The following WDPCP variants were observed in gnomAD, a reference collection of about 807,000 sequenced individuals.
WDPCP encodes WD repeat-containing and planar cell polarity effector protein fritz homolog.
A neutral mutation model predicts 93.1 loss-of-function variants in WDPCP; 71 were observed. That is an observed-to-expected ratio of 0.76 (90% CI 0.63 to 0.93). WDPCP has a LOEUF of 0.93. Ranked by LOEUF, WDPCP falls within the 40% of genes least tolerant of loss-of-function variation. The pLI is 0.00. For synonymous variants in WDPCP, 315 were observed against 315.0 expected (o/e 1.00, Z 0.00); for missense variants, 844 against 887.4 (o/e 0.95, Z 0.62).
chr2:63,664,631 T>C (rs991386860), intron 2 of WDPCP, among the ~76,000 whole-genome samples: 2 of 152,078 alleles, frequency 1.3e-5, no homozygotes, highest in African/African-American at 4.8e-5. Context: ...AAGCTGTTAA[T>C]GTAGGGAAGG....
chr2:63,580,360 C>T (rs1344339796), intron 1 of WDPCP, among the ~76,000 whole-genome samples: 1 of 151,872 alleles, frequency 6.6e-6, no homozygotes, highest in Non-Finnish European at 1.5e-5. Context: ...AACGTATGTC[C>T]CCACTGATTA....
chr2:63,360,424 TC>T (rs1301454431), intron 12 of WDPCP, among the ~76,000 whole-genome samples: 1 of 152,218 alleles, frequency 6.6e-6, no homozygotes, highest in Admixed American at 6.5e-5. Flanking sequence ...TTATTTTTTT[TC>T]AATTCTCTAG....
At chr2:63,125,984 GAGTGT>G (rs1669876094) in intron 17 of WDPCP, among the ~76,000 whole-genome samples, 1 of 150,516 alleles carries the variant, frequency 6.6e-6, no homozygotes, top group Non-Finnish European at 1.5e-5. Flanking sequence ...ACCCAGGCTG[GAGTGT>G]AGTGGTACAA....
At chr2:63,414,046 T>C (rs911963800) in intron 9 of WDPCP, among the ~76,000 whole-genome samples, 10 of 151,272 alleles carry the variant, frequency 6.6e-5, no homozygotes, top group African/African-American at 2.2e-4. Context: ...CAAAAGAAGA[T>C]ACAGAAATGG....
chr2:63,384,038 T>C (rs994317006), intron 10 of WDPCP, among the ~76,000 whole-genome samples: 8 of 151,918 alleles, frequency 5.3e-5, no homozygotes, highest in Non-Finnish European at 1.0e-4. Context: ...ATCTGGAAAA[T>C]CCCCAAATAT....
intron 1 of WDPCP, among the ~76,000 whole-genome samples, chr2:63,537,355 T>A (rs185402084): frequency 1.2e-3 from 176 of 152,340 alleles, no homozygotes; most frequent in African/African-American, 4.2e-3. Context: ...TCCCTGCCTC[T>A]AATTTGACTC....
intron 14 of WDPCP, among the ~76,000 whole-genome samples, chr2:63,221,997 T>C (rs1004853649): frequency 6.6e-6 from 1 of 152,156 alleles, no homozygotes; most frequent in African/African-American, 2.4e-5. Flanking sequence ...TTTCCCATAG[T>C]TGGAGAGAAC....
At chr2:63,824,950 T>C (rs1671090554) in intron 1 of WDPCP, among the ~76,000 whole-genome samples, 1 of 152,132 alleles carries the variant, frequency 6.6e-6, no homozygotes, top group African/African-American at 2.4e-5. Flanking sequence ...TTTCACATAA[T>C]AAAAACGTGA....
intron 2 of WDPCP, among the ~76,000 whole-genome samples, chr2:63,807,131 C>A (rs1670778791): frequency 6.6e-6 from 1 of 152,300 alleles, no homozygotes; most frequent in East Asian, 1.9e-4. Context: ...ATTTGGGGAA[C>A]TAATAAATGT....
chr2:63,393,110 A>T (rs2105045726), intron 10 of WDPCP, among the ~76,000 whole-genome samples: 1 of 152,364 alleles, frequency 6.6e-6, no homozygotes, highest in South Asian at 2.1e-4. Context: ...GGCACTATTC[A>T]CAATAGCAAA....
chr2:63,404,246 T>C lies in WDPCP; in HGVS notation c.1237A>G (p.Ile413Val), dbSNP rs1694378572. ...AAGCGGTCTTCAGCCAACAGTTGGA[T>C]GTTAATAGGGGATAGAGCCATATCA... is the stretch of plus-strand genomic sequence containing the variant. ...IFDMALSPIN[I>V]QLLAEDRLPR... is the part of the protein sequence containing the mutation. The change falls in exon 10 of 18, where the codon ATC (isoleucine) becomes GTC (valine). Residue 413 changes from isoleucine to valine, a missense_variant. Transcript: ENST00000272321. 6 of 1,613,608 alleles carry C rather than the reference T, an allele frequency of 3.7e-6. No homozygotes were observed. Among genetic ancestry groups the C allele is most frequent in the South Asian group, 1.1e-5 (1 of 91,024 alleles).
chr2:63,535,466 C>G (rs1204923055), intron 1 of WDPCP, among the ~76,000 whole-genome samples: 1 of 152,192 alleles, frequency 6.6e-6, no homozygotes, highest in Non-Finnish European at 1.5e-5. Context: ...AACTATACTA[C>G]AAGGCTACGG....
chr2:63,752,003 T>A, intron 2 of WDPCP: 4 of 628,426 alleles, frequency 6.4e-6, no homozygotes, highest in South Asian at 5.7e-5. Flanking sequence ...TCATTTCCAC[T>A]GAAACAACCT....
intron 2 of WDPCP, among the ~76,000 whole-genome samples, chr2:63,491,388 G>A (rs182939840): frequency 1.5e-4 from 23 of 152,290 alleles, no homozygotes; most frequent in Non-Finnish European, 2.8e-4. Context: ...CATAGAGCTT[G>A]CCAACTGGTG....
intron 14 of WDPCP, among the ~76,000 whole-genome samples, chr2:63,208,463 G>T (rs1419703228): frequency 6.6e-6 from 1 of 152,064 alleles, no homozygotes; most frequent in Non-Finnish European, 1.5e-5. Flanking sequence ...CCCCCATTGT[G>T]CCTGGTGTGC....
intron 13 of WDPCP, among the ~76,000 whole-genome samples, chr2:63,297,021 C>A (rs2103671200): frequency 6.6e-6 from 1 of 152,274 alleles, no homozygotes; most frequent in South Asian, 2.1e-4. Context: ...GAAAGCATCA[C>A]ATTATCTGAA....
chr2:63,512,537 T>C (rs1268015327), intron 1 of WDPCP, among the ~76,000 whole-genome samples: 5 of 152,190 alleles, frequency 3.3e-5, no homozygotes, highest in Non-Finnish European at 5.9e-5. Context: ...GTGGCACATA[T>C]ATACCATGGA....
intron 10 of WDPCP, among the ~76,000 whole-genome samples, chr2:63,392,199 T>A (rs1182343260): frequency 6.6e-6 from 1 of 152,066 alleles, no homozygotes; most frequent in Non-Finnish European, 1.5e-5. Flanking sequence ...TATAGACCAA[T>A]GGAACAGAAC....
At chr2:63,320,011 T>G (rs1686964411) in intron 12 of WDPCP, among the ~76,000 whole-genome samples, 1 of 152,060 alleles carries the variant, frequency 6.6e-6, no homozygotes, top group African/African-American at 2.4e-5. Flanking sequence ...AATACTTAAA[T>G]AAATGCTAAT....
Sources: gnomAD v4.1 joint callset for allele counts (sites outside exome capture counted in the v4.1 genomes callset) on GRCh38, gnomAD v4.1.1 for gene constraint, MANE v1.5 for transcripts, NCBI Gene and HGNC (gene_info 2026-07-23, HGNC 2026-07-21) for gene names.